ZNF362: variants seen among roughly 807,000 people sequenced by gnomAD.
ZNF362 encodes the protein rotund homolog.
A neutral mutation model predicts 42.9 loss-of-function variants in ZNF362; 11 were observed. That is an observed-to-expected ratio of 0.26 (90% CI 0.16 to 0.42). The LOEUF is 0.42. ZNF362 is among the 20% of genes least tolerant of loss of function. The probability of loss-of-function intolerance (pLI) is 1.00; values close to 1 mark genes in which losing one functional copy is unlikely to be tolerated. For synonymous variants in ZNF362, 255 were observed against 257.3 expected (o/e 0.99, Z 0.09); for missense variants, 362 against 576.2 (o/e 0.63, Z 3.81).
Position 33,281,915 on chromosome 1 carries a change from C to A in ZNF362, c.908+104C>A. On this transcript the variant is annotated intron_variant, in intron 6 of 8. Transcript: ENST00000539719. This position sits in a 1 kb window ranked among gnomAD's most constrained non-coding sequence, Gnocchi z 4.8. ...GAGGGGCAAGGACCTTCTCCAGGTG[C>A]CCATTGCCCTCGGGGTCACGGCCCT... 8.1e-7 allele frequency: 1 copy of A among 1,229,186 alleles called. No individual in the cohort carries two copies. The highest frequency in any genetic ancestry group is 1.2e-6 in the Non-Finnish European group (1 of 861,382). 76.1% of individuals were successfully genotyped at this position (1,229,186 alleles called of 1,614,324 possible). A position where few individuals can be genotyped will look rare whatever the true frequency, so the allele number is the denominator to read the frequency against.
In ZNF362 at chr1:33,281,346, A is replaced by G. The variant is rs1028909375; in HGVS notation, c.684-241A>G. 4.6e-5 allele frequency among the ~76,000 whole-genome samples: 7 copies of G among 152,252 alleles called. No homozygotes were observed. The highest frequency in any genetic ancestry group is 2.1e-4 in the South Asian group (1 of 4,826). ...CACCAGGATCAGGCCTGTCTTCCCT[A>G]TGAGGTGTAACCTATGCTCCAGGCT... On this transcript the variant is annotated intron_variant, in intron 5 of 8. Coordinates refer to ENST00000539719, the MANE Select transcript of ZNF362 (RefSeq NM_152493.3). This position sits in a 1 kb window ranked among gnomAD's most constrained non-coding sequence, Gnocchi z 4.8.
rs949030822 is a variant in ZNF362 at position 33,266,918 on chromosome 1, A to C, written c.-88-3569A>C. On this transcript the variant is annotated intron_variant, in intron 1 of 8. Transcript: ENST00000539719. This position sits in a 1 kb window ranked among gnomAD's most constrained non-coding sequence, Gnocchi z 4.3. ...GACTGTGGAGTTTGAACTATACCCC[A>C]AAAGTGATGGGAATCCAAGAAGGAT... 6.6e-5 allele frequency among the ~76,000 whole-genome samples: 10 copies of C among 152,232 alleles called. No individual in the cohort carries two copies. Among genetic ancestry groups the C allele is most frequent in the Non-Finnish European group, 1.5e-4 (10 of 68,038 alleles).
rs776305063 is a variant in ZNF362, at chr1:33,280,484, G to C, written c.683+27G>C. The C allele has an allele frequency of 2.0e-6, 3 of 1,523,650 alleles. No individual in the cohort carries two copies. The highest frequency in any genetic ancestry group is 4.0e-5 in the Admixed American group (2 of 50,306). 94.4% of individuals were successfully genotyped at this position (1,523,650 alleles called of 1,614,324 possible). A position where few individuals can be genotyped will look rare whatever the true frequency, so the allele number is the denominator to read the frequency against. On this transcript the variant is annotated intron_variant, in intron 5 of 8. Coordinates refer to ENST00000539719, the MANE Select transcript of ZNF362 (RefSeq NM_152493.3). This position sits in a 1 kb window ranked among gnomAD's most constrained non-coding sequence, Gnocchi z 5.6. ...TGGGGGTCTTGGCGGGATGGGGTCC[G>C]AGTGGGCTTGGGGCTGGGGCTTGAG... is the stretch of plus-strand genomic sequence containing the variant.
intron 4 of ZNF362, among the ~76,000 whole-genome samples, chr1:33,278,983 A>G (rs948724082): frequency 1.3e-5 from 2 of 152,206 alleles, no homozygotes; most frequent in Non-Finnish European, 2.9e-5. Flanking sequence ...TTCTAGAAGT[A>G]GAATTGCTTG....
chr1:33,275,235 C>CTGGAAG, intron 2 of ZNF362: 6 of 985,426 alleles, frequency 6.1e-6, no homozygotes, highest in Non-Finnish European at 7.2e-6. Context: ...GACAAACCTT[C>CTGGAAG]TGGAAGACTG....
the ZNF362 span, among the ~76,000 whole-genome samples, chr1:33,136,639 G>A: frequency 6.6e-6 from 1 of 151,618 alleles, no homozygotes; most frequent in Non-Finnish European, 1.5e-5. Context: ...CAAAGTGCTG[G>A]GATTACAGGC....
At chr1:33,144,803 C>T in the ZNF362 span, among the ~76,000 whole-genome samples, 1 of 152,074 alleles carries the variant, frequency 6.6e-6, no homozygotes. Flanking sequence ...CCCGTCACAG[C>T]CCATAAGGAG....
intron 1 of ZNF362, among the ~76,000 whole-genome samples, chr1:33,264,344 GTGGGTCTTTGGAATGT>G (rs1645850352): frequency 6.6e-6 from 1 of 152,172 alleles, no homozygotes; most frequent in Non-Finnish European, 1.5e-5. Flanking sequence ...AGATTTCCAT[GTGGGTCTTTGGAATGT>G]TGGGAAAGGC....
rs559577563 is a variant in ZNF362 at position 33,280,714 on chromosome 1, G to A, written c.683+257G>A. 1.3e-4 allele frequency among the ~76,000 whole-genome samples: 20 copies of A among 152,318 alleles called. No homozygotes were observed. Among genetic ancestry groups the A allele is most frequent in the African/African-American group, 3.8e-4 (16 of 41,568 alleles). ...GCTGGCAGCCACCCCCACAGCCTGG[G>A]GTTGTGAGAGTCGGTTTCCTCCTCC... On this transcript the variant is annotated intron_variant, in intron 5 of 8. Transcript: ENST00000539719. The surrounding 1 kb of genome is among the most constrained non-coding windows in gnomAD (Gnocchi z 5.6).
chr1:33,197,488 G>A, the ZNF362 span, among the ~76,000 whole-genome samples: 3 of 152,100 alleles, frequency 2.0e-5, no homozygotes, highest in Admixed American at 6.6e-5. Flanking sequence ...TCACATATGC[G>A]TCCATCATTG....
Position 33,299,157 on chromosome 1 carries a change from C to A in ZNF362, c.*111C>A. 1 of 796,276 alleles carries A rather than the reference C, an allele frequency of 1.3e-6. No homozygotes were observed. The highest frequency in any genetic ancestry group is 2.2e-5 in the Admixed American group (1 of 45,106). 49.3% of individuals were successfully genotyped at this position (796,276 alleles called of 1,614,324 possible). On this transcript the variant is annotated 3_prime_UTR_variant, in exon 9 of 9. Transcript: ENST00000539719. ...CAGGAACCACCAAGCTCTCTCACGA[C>A]CTTCCCAATCTTCCAGAAAGCTTGG...
At chr1:33,226,536 A>AT in the ZNF362 span, among the ~76,000 whole-genome samples, 1 of 152,202 alleles carries the variant, frequency 6.6e-6, no homozygotes, top group African/African-American at 2.4e-5. Context: ...CGAGGTGCTG[A>AT]TTCCTGCTAC....
chr1:33,247,544 C>T, the ZNF362 span, among the ~76,000 whole-genome samples: 7 of 152,358 alleles, frequency 4.6e-5, no homozygotes, highest in Non-Finnish European at 8.8e-5. Flanking sequence ...TGGCAAAAGG[C>T]CGAACCAGAT....
chr1:33,177,915 G>C, the ZNF362 span, among the ~76,000 whole-genome samples: 1 of 152,164 alleles, frequency 6.6e-6, no homozygotes, highest in African/African-American at 2.4e-5. This position sits in a 1 kb window ranked among gnomAD's most constrained non-coding sequence, Gnocchi z 4.1. Flanking sequence ...TGTCCATGAA[G>C]GACCCAAGGC....
At chr1:33,287,074 C>A (rs1456652269) in intron 6 of ZNF362, among the ~76,000 whole-genome samples, 1 of 152,186 alleles carries the variant, frequency 6.6e-6, no homozygotes, top group Non-Finnish European at 1.5e-5. Flanking sequence ...GAGGGACTTG[C>A]AAAGTGTTGA....
chr1:33,287,500 A>C (rs371429999), intron 6 of ZNF362, among the ~76,000 whole-genome samples: 5 of 152,218 alleles, frequency 3.3e-5, no homozygotes, highest in Non-Finnish European at 5.9e-5. Flanking sequence ...AACAACAAAC[A>C]AACCAACCAT....
chr1:33,293,065 G>A (rs1474355085), intron 6 of ZNF362, among the ~76,000 whole-genome samples: 1 of 152,354 alleles, frequency 6.6e-6, no homozygotes, highest in South Asian at 2.1e-4. Context: ...TCTAGCAGGG[G>A]AGAGAAGTGT....
At chr1:33,178,262 G>C in the ZNF362 span, among the ~76,000 whole-genome samples, 1 of 152,196 alleles carries the variant, frequency 6.6e-6, no homozygotes, top group South Asian at 2.1e-4. Flanking sequence ...TCAGCTGCTG[G>C]GAGAGAAGGG....
chr1:33,195,601 G>A, the ZNF362 span: 17 of 152,008 alleles, frequency 1.1e-4, no homozygotes, highest in African/African-American at 4.1e-4. Flanking sequence ...GTTGGCAATT[G>A]TAACACAATG....
Sources: allele counts gnomAD v4.1 joint callset (sites outside exome capture counted in the v4.1 genomes callset), GRCh38; gene constraint gnomAD v4.1.1; non-coding constraint Gnocchi (gnomAD v3.1); transcripts MANE v1.5; gene names NCBI Gene and HGNC (gene_info 2026-07-23, HGNC 2026-07-21).